PCDHA6: variants seen among roughly 807,000 people sequenced by gnomAD.
PCDHA6 encodes the protein protocadherin alpha 6.
PCDHA6 carries 55 observed loss-of-function variants against 60.3 expected under a neutral mutation model. The observed-to-expected ratio is 0.91, with a 90% CI of 0.73 to 1.14. PCDHA6 has a LOEUF of 1.14. Among genes scored for constraint, PCDHA6 ranks in the 50% most tolerant of loss-of-function variants. The probability of loss-of-function intolerance (pLI) is 0.00; values close to 1 mark genes in which losing one functional copy is unlikely to be tolerated. For synonymous variants in PCDHA6, 652 were observed against 557.9 expected, an observed-to-expected ratio of 1.17 and a Z score of -2.38; for missense variants, 1,327 against 1,256.5, an observed-to-expected ratio of 1.06 and a Z score of -0.85.
intron 1 of PCDHA6, among the ~76,000 whole-genome samples, chr5:140,977,927 T>G (rs1214119079): frequency 6.6e-6 from 1 of 152,180 alleles, no homozygotes; most frequent in Non-Finnish European, 1.5e-5. Context: ...TTCATTCAAC[T>G]ATACCTCAAT....
At chr5:140,966,248 G>C (rs2095985597) in intron 1 of PCDHA6, 2 of 322,664 alleles carry the variant, frequency 6.2e-6, no homozygotes, top group Non-Finnish European at 5.6e-6. Context: ...AAGCAGGGGA[G>C]AGACGGTGGA....
intron 1 of PCDHA6, chr5:140,969,137 T>A (rs1326685727): frequency 6.2e-7 from 1 of 1,614,036 alleles, no homozygotes. Flanking sequence ...CACCAAGACC[T>A]ACTGCTACAA....
intron 1 of PCDHA6, chr5:140,860,149 A>ATG (rs1239190968): frequency 6.7e-6 from 1 of 150,348 alleles, no homozygotes; most frequent in East Asian, 1.9e-4. Context: ...ATATGTATAT[A>ATG]TGTGTATATA....
intron 1 of PCDHA6, among the ~76,000 whole-genome samples, chr5:140,934,664 T>G (rs1268113575): frequency 1.3e-5 from 2 of 152,176 alleles, no homozygotes; most frequent in Admixed American, 6.5e-5. Flanking sequence ...TCTTCCCCTT[T>G]GTTTAGCAGT....
At chr5:140,927,889 G>A in intron 1 of PCDHA6, 3 of 1,614,226 alleles carry the variant, frequency 1.9e-6, no homozygotes, top group Non-Finnish European at 2.5e-6. Flanking sequence ...GGTGACTGAC[G>A]TGAACGATCA....
rs1770932829 is a variant in PCDHA6, at chr5:140,830,256, G to C, written c.2165G>C (p.Arg722Pro). ...VLTLLLYTAL[R>P]CSAPPTEGAC... Reference sequence around the variant, plus strand: ...ACGCTACTGCTGTACACAGCGCTGCGGTGCTCGGCGCCACCCACCGAGGGC... The same window carrying C: ...ACGCTACTGCTGTACACAGCGCTGCCGTGCTCGGCGCCACCCACCGAGGGC... Residue 722 changes from arginine (R) to proline (P), a missense_variant, in exon 1 of 4, where the codon CGG becomes CCG. Coordinates refer to ENST00000529310, the MANE Select transcript of PCDHA6 (RefSeq NM_018909.4). 6.2e-7 allele frequency: 1 copy of C among 1,613,562 alleles called. No individual in the cohort carries two copies. Among genetic ancestry groups the C allele is most frequent in the African/African-American group, 1.3e-5 (1 of 74,918 alleles).
chr5:140,874,018 G>A (rs1033387450), intron 1 of PCDHA6, among the ~76,000 whole-genome samples: 2 of 152,114 alleles, frequency 1.3e-5, no homozygotes, highest in Admixed American at 1.3e-4. Context: ...TTTTGAAAAT[G>A]AAAAATAGGA....
intron 1 of PCDHA6, chr5:140,836,555 A>T (rs1554136073): frequency 6.2e-7 from 1 of 1,613,750 alleles, no homozygotes; most frequent in East Asian, 2.2e-5. Context: ...TGCGGTGCTC[A>T]GCGCCGTCCT....
At chr5:140,840,164 T>C (rs1554137707) in intron 1 of PCDHA6, among the ~76,000 whole-genome samples, 1 of 151,988 alleles carries the variant, frequency 6.6e-6, no homozygotes, top group African/African-American at 2.4e-5. Context: ...AGAGATGGGA[T>C]GTATACAAAT....
chr5:141,010,096 A>G lies in PCDHA6; in HGVS notation c.*159A>G. The G allele has an allele frequency of 6.2e-7, 1 of 1,612,840 alleles. No individual in the cohort carries two copies. Among genetic ancestry groups the G allele is most frequent in the Non-Finnish European group, 8.5e-7 (1 of 1,179,378 alleles). ...CCTGTGTCTGTCTAGAACGCATTTA[A>G]CAGGTTTTGTCGTAAAAGCTTTACT... On this transcript the variant is annotated 3_prime_UTR_variant, in exon 4 of 4. Transcript: ENST00000529310.
intron 1 of PCDHA6, among the ~76,000 whole-genome samples, chr5:140,931,894 A>G (rs1242530874): frequency 1.3e-5 from 2 of 151,966 alleles, no homozygotes; most frequent in African/African-American, 4.8e-5. Flanking sequence ...TTTTATTTCA[A>G]ATCATTTGAA....
chr5:140,993,526 A>G (rs1554253825), intron 3 of PCDHA6, among the ~76,000 whole-genome samples: 1 of 147,824 alleles, frequency 6.8e-6, no homozygotes, highest in Admixed American at 6.7e-5. Flanking sequence ...AGAGAGACAG[A>G]GAGAGAGAGA....
At chr5:140,903,545 C>T (rs1562939927) in intron 1 of PCDHA6, among the ~76,000 whole-genome samples, 3 of 152,130 alleles carry the variant, frequency 2.0e-5, no homozygotes, top group Non-Finnish European at 4.4e-5. Context: ...GAGCAAGAAA[C>T]TTTTCTAATA....
chr5:140,946,765 T>C (rs1255265012), intron 1 of PCDHA6, among the ~76,000 whole-genome samples: 2 of 151,428 alleles, frequency 1.3e-5, no homozygotes, highest in African/African-American at 4.9e-5. Flanking sequence ...ATCTCATTCA[T>C]GTGGAATGTA....
At chr5:140,834,160 T>G (rs2150213873) in intron 1 of PCDHA6, 2 of 539,050 alleles carry the variant, frequency 3.7e-6, no homozygotes, top group Non-Finnish European at 6.5e-6. Context: ...GGTTTGTAAT[T>G]CTTACTTACA....
At chr5:140,948,313 G>T (rs1554218515) in intron 1 of PCDHA6, among the ~76,000 whole-genome samples, 2 of 151,362 alleles carry the variant, frequency 1.3e-5, no homozygotes, top group Non-Finnish European at 3.0e-5. Flanking sequence ...TCTTCTTGAG[G>T]GGTAATGTTT....
At chr5:140,957,386 T>C (rs1461790676) in intron 1 of PCDHA6, among the ~76,000 whole-genome samples, 1 of 152,226 alleles carries the variant, frequency 6.6e-6, no homozygotes, top group Non-Finnish European at 1.5e-5. Context: ...TGTATTGTTA[T>C]AATTGTCCTA....
chr5:140,869,392 G>T, intron 1 of PCDHA6: 1 of 1,614,164 alleles, frequency 6.2e-7, no homozygotes, highest in Non-Finnish European at 8.5e-7. Flanking sequence ...GGAGCTGTGC[G>T]GGCAGAGCGC....
intron 1 of PCDHA6, among the ~76,000 whole-genome samples, chr5:140,946,434 T>C (rs1554217579): frequency 2.0e-5 from 3 of 151,312 alleles, no homozygotes; most frequent in South Asian, 2.1e-4. Context: ...TACTCAAAAA[T>C]TGAGACTAAA....
Sources: allele counts gnomAD v4.1 joint callset (sites outside exome capture counted in the v4.1 genomes callset), GRCh38; gene constraint gnomAD v4.1.1; transcripts MANE v1.5; gene names NCBI Gene and HGNC (gene_info 2026-07-23, HGNC 2026-07-21).